The following ITGBL1 variants were observed in gnomAD, a reference collection of about 807,000 sequenced individuals.
The protein encoded by ITGBL1 is integrin beta-like protein 1.
Under a neutral mutation model 68.5 loss-of-function variants are expected in ITGBL1, and 51 were observed. The observed-to-expected ratio is 0.74, with a 90% CI of 0.59 to 0.94. The LOEUF is 0.94. ITGBL1 is among the 40% of genes least tolerant of loss of function. ITGBL1 has a pLI of 0.00. For missense variants in ITGBL1, 649 were observed against 647.4 expected, an observed-to-expected ratio of 1.00 and a Z score of -0.03; for synonymous variants, 209 against 227.3, an observed-to-expected ratio of 0.92 and a Z score of 0.72.
chr13:101,497,199 A>G (rs2048869546), intron 2 of ITGBL1, among the ~76,000 whole-genome samples: 1 of 152,254 alleles, frequency 6.6e-6, no homozygotes, highest in African/African-American at 2.4e-5. Context: ...CCTGACAATC[A>G]TATTAATTAT....
At chr13:101,562,494 T>C (rs2050116471) in intron 2 of ITGBL1, among the ~76,000 whole-genome samples, 2 of 152,106 alleles carry the variant, frequency 1.3e-5, no homozygotes, top group Admixed American at 6.6e-5. Flanking sequence ...AGGTATTCTA[T>C]GCAAACACCC....
intron 7 of ITGBL1, among the ~76,000 whole-genome samples, chr13:101,608,958 C>A (rs951902020): frequency 6.6e-6 from 1 of 152,044 alleles, no homozygotes; most frequent in East Asian, 1.9e-4. Context: ...AAGGCCTGGA[C>A]TTTGTCATGT....
chr13:101,494,190 T>A (rs1187502744), intron 2 of ITGBL1, among the ~76,000 whole-genome samples: 5 of 152,236 alleles, frequency 3.3e-5, no homozygotes, highest in Non-Finnish European at 7.3e-5. Flanking sequence ...TTTGTTTGTT[T>A]GTTTTGTTTT....
At chr13:101,710,927 C>G (rs1349529174) in intron 9 of ITGBL1, 1 of 152,112 alleles carries the variant, frequency 6.6e-6, no homozygotes, top group Non-Finnish European at 1.5e-5. Context: ...GTAGTTAGTA[C>G]AATAGTGAAA....
chr13:101,714,879 A>G (rs763594906), intron 10 of ITGBL1: 3 of 296,458 alleles, frequency 1.0e-5, no homozygotes, highest in Non-Finnish European at 1.9e-5. Flanking sequence ...TTTACTTTGA[A>G]CATGGTATAG....
intron 2 of ITGBL1, among the ~76,000 whole-genome samples, chr13:101,519,678 A>G (rs1374919234): frequency 2.0e-5 from 3 of 152,158 alleles, no homozygotes; most frequent in Admixed American, 2.0e-4. Flanking sequence ...ACCTACTTAT[A>G]TCATTATTTT....
intron 2 of ITGBL1, among the ~76,000 whole-genome samples, chr13:101,454,470 C>T (rs914725279): frequency 4.1e-5 from 6 of 147,754 alleles, no homozygotes; most frequent in African/African-American, 1.5e-4. Flanking sequence ...GTTGGGATTA[C>T]AGGCGTGAGC....
intron 5 of ITGBL1, 104 bp from the exon 6 acceptor site, chr13:101,583,112 T>C: frequency 8.3e-7 from 1 of 1,211,858 alleles, no homozygotes; most frequent in Non-Finnish European, 1.2e-6. Flanking sequence ...TATATGTGTT[T>C]TTTTCAAACA....
At chr13:101,519,605 T>A (rs917008985) in intron 2 of ITGBL1, among the ~76,000 whole-genome samples, 3 of 152,182 alleles carry the variant, frequency 2.0e-5, no homozygotes, top group African/African-American at 7.2e-5. Context: ...TAAAATTCGC[T>A]TTTTAATAAT....
chr13:101,562,095 T>C (rs1314310391), intron 2 of ITGBL1, among the ~76,000 whole-genome samples: 2 of 152,138 alleles, frequency 1.3e-5, no homozygotes, highest in African/African-American at 4.8e-5. Context: ...CTTACAGTTT[T>C]AACTCTTTCC....
intron 2 of ITGBL1, among the ~76,000 whole-genome samples, chr13:101,526,569 A>C (rs1343002483): frequency 6.6e-6 from 1 of 151,988 alleles, no homozygotes; most frequent in East Asian, 1.9e-4. Context: ...TATTCTCAGC[A>C]AACTAACACA....
intron 6 of ITGBL1, among the ~76,000 whole-genome samples, chr13:101,594,907 C>T (rs1260038487): frequency 2.0e-5 from 3 of 152,092 alleles, no homozygotes; most frequent in African/African-American, 7.2e-5. Flanking sequence ...AACCCCGTCT[C>T]TACTAAAAAT....
chr13:101,642,514 G>C (rs545911929), intron 7 of ITGBL1, among the ~76,000 whole-genome samples: 1 of 152,252 alleles, frequency 6.6e-6, no homozygotes, highest in East Asian at 1.9e-4. Context: ...TTTGTAGGTT[G>C]CCTGTTCACT....
chr13:101,475,252 A>T (rs1217576789), intron 2 of ITGBL1, among the ~76,000 whole-genome samples: 1 of 152,116 alleles, frequency 6.6e-6, no homozygotes, highest in African/African-American at 2.4e-5. Flanking sequence ...TGAAATAATT[A>T]AAAAAAGCAG....
At chr13:101,600,766 C>T (rs886915320) in intron 7 of ITGBL1, among the ~76,000 whole-genome samples, 6 of 152,166 alleles carry the variant, frequency 3.9e-5, no homozygotes, top group African/African-American at 1.4e-4. Context: ...GTTGTACCAG[C>T]CTTGCATCCC....
intron 2 of ITGBL1, among the ~76,000 whole-genome samples, chr13:101,531,601 G>A (rs1183684118): frequency 3.2e-5 from 4 of 124,328 alleles, no homozygotes; most frequent in South Asian, 3.2e-4. Context: ...ACTTCATAGC[G>A]TATTTTTTGG....
chr13:101,696,743 T>A (rs1483809437), intron 8 of ITGBL1, among the ~76,000 whole-genome samples: 1 of 152,110 alleles, frequency 6.6e-6, no homozygotes, highest in African/African-American at 2.4e-5. Flanking sequence ...ATAATCAATC[T>A]CTCTCTCTCA....
At chr13:101,681,768 G>A (rs1051270401) in intron 7 of ITGBL1, among the ~76,000 whole-genome samples, 1 of 151,874 alleles carries the variant, frequency 6.6e-6, no homozygotes, top group Non-Finnish European at 1.5e-5. Flanking sequence ...GAAGAAAGAG[G>A]GAAGGAGTGA....
intron 7 of ITGBL1, among the ~76,000 whole-genome samples, chr13:101,634,016 A>C (rs1463135278): frequency 6.6e-6 from 1 of 152,200 alleles, no homozygotes; most frequent in East Asian, 1.9e-4. Flanking sequence ...ATTTTGTACA[A>C]ATATAATGAG....
Sources: allele counts gnomAD v4.1 joint callset (sites outside exome capture counted in the v4.1 genomes callset), GRCh38; gene constraint gnomAD v4.1.1; transcripts MANE v1.5; gene names NCBI Gene and HGNC (gene_info 2026-07-23, HGNC 2026-07-21).